NWD2: variants seen among roughly 807,000 people sequenced by gnomAD.
NWD2 encodes NACHT and WD repeat domain-containing protein 2.
In NWD2, 37 loss-of-function variants were observed where a neutral mutation model predicts 132.7. That is an observed-to-expected ratio of 0.28 (90% CI 0.21 to 0.37). The LOEUF (loss-of-function observed/expected upper bound fraction) is 0.37, where lower values mean the gene tolerates loss of function less well. Among genes scored for constraint, NWD2 ranks in the 10% least tolerant of loss-of-function variants. NWD2 has a pLI of 1.00. For synonymous variants in NWD2, 705 were observed against 803.0 expected, an observed-to-expected ratio of 0.88 and a Z score of 2.06; for missense variants, 1,592 against 2,122.4, an observed-to-expected ratio of 0.75 and a Z score of 4.91.
chr4:37,249,706 A>T (rs186932534), intron 1 of NWD2, among the ~76,000 whole-genome samples: 1 of 152,286 alleles, frequency 6.6e-6, no homozygotes, highest in East Asian at 1.9e-4. Flanking sequence ...ATATTTTAAC[A>T]CTTAATGCAT....
chr4:37,428,886 C>G (rs894366452), intron 3 of NWD2, among the ~76,000 whole-genome samples: 1 of 152,176 alleles, frequency 6.6e-6, no homozygotes, highest in Non-Finnish European at 1.5e-5. Flanking sequence ...CACACACCAC[C>G]ATGCCTGGCT....
intron 1 of NWD2, among the ~76,000 whole-genome samples, chr4:37,260,807 A>G (rs1577647094): frequency 6.6e-6 from 1 of 152,320 alleles, no homozygotes; most frequent in Non-Finnish European, 1.5e-5. Context: ...TAAGGCAGAC[A>G]GAGTGTGAAC....
chr4:37,372,268 T>G (rs963453445), intron 3 of NWD2, among the ~76,000 whole-genome samples: 6 of 152,212 alleles, frequency 3.9e-5, no homozygotes, highest in African/African-American at 1.4e-4. Flanking sequence ...TTAAGCTGTA[T>G]TCTGAGTACT....
chr4:37,424,593 T>A (rs1019391776), intron 3 of NWD2, among the ~76,000 whole-genome samples: 1 of 152,208 alleles, frequency 6.6e-6, no homozygotes, highest in Admixed American at 6.5e-5. Flanking sequence ...ATAGGGCATT[T>A]AAAGAGTATA....
At chr4:37,296,398 G>C (rs1163015806) in intron 1 of NWD2, among the ~76,000 whole-genome samples, 1 of 152,150 alleles carries the variant, frequency 6.6e-6, no homozygotes, top group Non-Finnish European at 1.5e-5. Flanking sequence ...CATGTACATT[G>C]ATGGCAGCAC....
chr4:37,413,325 T>C (rs9714631), intron 3 of NWD2, among the ~76,000 whole-genome samples: 32,319 of 152,048 alleles, frequency 0.21, 5,397 homozygotes, highest in African/African-American at 0.46. Context: ...TGAACAGACA[T>C]TTCTCAAAAG....
In NWD2 at chr4:37,426,606, C is replaced by A. The variant is rs16993541; in HGVS notation, c.358-3966C>A. On this transcript the variant is annotated intron_variant, in intron 3 of 6. Coordinates refer to ENST00000309447, the MANE Select transcript of NWD2 (RefSeq NM_001144990.2). The stretch of plus-strand genomic sequence containing the variant: ...TGATCCTCTGTGGTCCAGGCTCTGC[C>A]CCTTCAGTACTCGTTAACCATTCCT... Among the ~76,000 whole-genome samples the A allele has an allele frequency of 4.7e-3, 712 of 152,182 alleles. 7 individuals carry two copies. The highest frequency in any genetic ancestry group is 0.016 in the African/African-American group (681 of 41,496).
At chr4:37,438,129 C>T (rs1019358543) in intron 5 of NWD2, among the ~76,000 whole-genome samples, 7 of 151,910 alleles carry the variant, frequency 4.6e-5, no homozygotes, top group Admixed American at 1.3e-4. Flanking sequence ...GGCATGGTGG[C>T]GGGTGCCTGT....
intron 2 of NWD2, 109 bp downstream of exon 2, chr4:37,326,133 A>G (rs1719168774): frequency 1.6e-6 from 1 of 638,966 alleles, no homozygotes; most frequent in Non-Finnish European, 2.7e-6. Flanking sequence ...CCCTGAAAAA[A>G]TTTATTTCTT....
chr4:37,347,673 T>C (rs956914486), intron 2 of NWD2, among the ~76,000 whole-genome samples: 3 of 152,218 alleles, frequency 2.0e-5, no homozygotes, highest in African/African-American at 7.2e-5. Context: ...TACAGCTAGG[T>C]ATGTTACAAA....
chr4:37,443,176 C>A lies in NWD2; in HGVS notation c.1297-109C>A. 2 of 980,662 alleles carry A rather than the reference C, an allele frequency of 2.0e-6. No homozygotes were observed. The highest frequency in any genetic ancestry group is 2.9e-6 in the Non-Finnish European group (2 of 683,524). 60.7% of individuals were successfully genotyped at this position (980,662 alleles called of 1,614,324 possible). ...TCCAATTTTTGGTCCTAAGCTATTT[C>A]CTGCACAGCAGAGGAGACCAGAAAT... On this transcript the variant is annotated intron_variant, in intron 6 of 6. Transcript: ENST00000309447. This position sits in a 1 kb window ranked among gnomAD's most constrained non-coding sequence, Gnocchi z 4.1.
At chr4:37,416,953 G>T (rs1180478300) in intron 3 of NWD2, among the ~76,000 whole-genome samples, 2 of 152,110 alleles carry the variant, frequency 1.3e-5, no homozygotes, top group South Asian at 4.2e-4. Flanking sequence ...GGGAAAGGGT[G>T]GGAGGGGGAT....
At chr4:37,316,148 C>A (rs567761530) in intron 1 of NWD2, among the ~76,000 whole-genome samples, 9 of 152,140 alleles carry the variant, frequency 5.9e-5, no homozygotes, top group East Asian at 3.9e-4. Flanking sequence ...AGAATAATTT[C>A]TTTAGTATAG....
chr4:37,409,471 A>C (rs1337101170), intron 3 of NWD2, among the ~76,000 whole-genome samples: 1 of 152,048 alleles, frequency 6.6e-6, no homozygotes, highest in African/African-American at 2.4e-5. Context: ...AAAAAATAAA[A>C]AGGAATGAAC....
intron 4 of NWD2, 89 bp from the exon 5 acceptor site, chr4:37,433,787 G>T: frequency 4.1e-6 from 4 of 974,226 alleles, no homozygotes; most frequent in Non-Finnish European, 6.0e-6. Context: ...CACATAGTAG[G>T]CCTTCAAATA....
chr4:37,252,653 C>G (rs570136398), intron 1 of NWD2, among the ~76,000 whole-genome samples: 1 of 152,272 alleles, frequency 6.6e-6, no homozygotes, highest in African/African-American at 2.4e-5. Context: ...CTTGGCTGGG[C>G]TGGAAGGTCC....
At chr4:37,369,978 T>C (rs1470749783) in intron 3 of NWD2, among the ~76,000 whole-genome samples, 1 of 152,020 alleles carries the variant, frequency 6.6e-6, no homozygotes, top group East Asian at 1.9e-4. Context: ...CACCAAGAGG[T>C]TCCTCACTCC....
At chr4:37,395,598 A>AAAAAAAAAAAC in intron 3 of NWD2, among the ~76,000 whole-genome samples, 1 of 148,582 alleles carries the variant, frequency 6.7e-6, no homozygotes, top group African/African-American at 2.5e-5. Flanking sequence ...AAAAAAAAAA[A>AAAAAAAAAAAC]AAAAAAAAAA....
intron 1 of NWD2, among the ~76,000 whole-genome samples, chr4:37,290,921 G>A (rs752887950): frequency 2.6e-5 from 4 of 152,192 alleles, no homozygotes; most frequent in Non-Finnish European, 4.4e-5. Flanking sequence ...GAGAGGTGTA[G>A]AGTTAAGGAG....
Sources: allele counts gnomAD v4.1 joint callset (sites outside exome capture counted in the v4.1 genomes callset), GRCh38; gene constraint gnomAD v4.1.1; non-coding constraint Gnocchi (gnomAD v3.1); transcripts MANE v1.5; gene names NCBI Gene and HGNC (gene_info 2026-07-23, HGNC 2026-07-21).